The following UGT1A8 variants were observed in gnomAD, a reference collection of about 807,000 sequenced individuals.
The protein encoded by UGT1A8 is UDP glucuronosyltransferase family 1 member A8.
UGT1A8 carries 39 observed loss-of-function variants against 45.3 expected under a neutral mutation model. The ratio of observed to expected loss-of-function variants is 0.86; its 90% CI spans 0.67 to 1.12. UGT1A8 has a LOEUF of 1.12. Ranked by LOEUF, UGT1A8 falls within the 50% of genes most tolerant of loss-of-function variation. The pLI is 0.00. For missense variants in UGT1A8, 719 were observed against 664.9 expected (o/e 1.08, Z -0.90); for synonymous variants, 275 against 249.2 (o/e 1.10, Z -0.97).
intron 1 of UGT1A8, among the ~76,000 whole-genome samples, chr2:233,651,917 A>G (rs960858188): frequency 3.3e-5 from 5 of 152,202 alleles, no homozygotes; most frequent in Non-Finnish European, 7.3e-5. Context: ...GGGGAATTAC[A>G]TCCAATGCTG....
At chr2:233,696,698 A>G (rs1376211122) in intron 1 of UGT1A8, among the ~76,000 whole-genome samples, 4 of 152,138 alleles carry the variant, frequency 2.6e-5, no homozygotes, top group Non-Finnish European at 5.9e-5. Context: ...TCTTTGTCTT[A>G]TTCCAGATTT....
chr2:233,678,051 G>C (rs540065038), intron 1 of UGT1A8, among the ~76,000 whole-genome samples: 12 of 152,258 alleles, frequency 7.9e-5, no homozygotes, highest in African/African-American at 2.2e-4. Context: ...ATTACCCTAA[G>C]GGAATATATA....
chr2:233,690,565 A>G, intron 1 of UGT1A8: 1 of 1,289,360 alleles, frequency 7.8e-7, no homozygotes, highest in Non-Finnish European at 1.0e-6. Context: ...AGCCTGAGTC[A>G]TTCAGCCTGC....
chr2:233,730,673 A>G (rs1217219739), intron 1 of UGT1A8, among the ~76,000 whole-genome samples: 2 of 152,106 alleles, frequency 1.3e-5, no homozygotes, highest in South Asian at 2.1e-4. Flanking sequence ...AGGCAAAGTA[A>G]TGGTTGCATC....
chr2:233,721,816 C>T, intron 1 of UGT1A8: 1 of 516,128 alleles, frequency 1.9e-6, no homozygotes, highest in Non-Finnish European at 3.9e-6. Flanking sequence ...AAATCCAGCA[C>T]CCTATTTGGG....
At chr2:233,737,730 T>C (rs558595206) in intron 1 of UGT1A8, among the ~76,000 whole-genome samples, 10 of 152,254 alleles carry the variant, frequency 6.6e-5, no homozygotes, top group East Asian at 3.9e-4. Context: ...CCTTTTTTTT[T>C]CCTTTTCTCT....
At chr2:233,719,126 A>G (rs771877893) in intron 1 of UGT1A8, 1 of 1,614,270 alleles carries the variant, frequency 6.2e-7, no homozygotes. Context: ...GGTTCTTTGA[A>G]ACAGAACATC....
chr2:233,682,878 C>T, intron 1 of UGT1A8: 2 of 1,512,868 alleles, frequency 1.3e-6, no homozygotes, highest in Non-Finnish European at 1.8e-6. Context: ...TTATCATTTA[C>T]ATTTGTCCCA....
In UGT1A8 at chr2:233,769,538, C is replaced by A; in HGVS notation, c.1295+1099C>A. 6.2e-7 allele frequency: 1 copy of A among 1,612,838 alleles called. No homozygotes were observed. Among genetic ancestry groups the A allele is most frequent in the Non-Finnish European group, 8.5e-7 (1 of 1,179,878 alleles). ...CATGGTTACCTCCTTTAGAAAGAAGCAGCAGTCAGGAAGACAGATGTGAAG... is the reference window on the plus strand; with the variant it reads ...CATGGTTACCTCCTTTAGAAAGAAGAAGCAGTCAGGAAGACAGATGTGAAG... On this transcript the variant is annotated intron_variant, in intron 4 of 4. Coordinates refer to ENST00000373450, the MANE Select transcript of UGT1A8 (RefSeq NM_019076.5). The surrounding 1 kb of genome is among the most constrained non-coding windows in gnomAD (Gnocchi z 4.4).
chr2:233,636,669 C>T (rs754305708), intron 1 of UGT1A8: 43 of 1,613,962 alleles, frequency 2.7e-5, no homozygotes, highest in Admixed American at 5.0e-5. Context: ...AGAAACTTAT[C>T]CTCAGGGGGC....
intron 1 of UGT1A8, chr2:233,648,836 A>G (rs1171310908): frequency 8.9e-7 from 1 of 1,122,398 alleles, no homozygotes; most frequent in Non-Finnish European, 1.3e-6. Context: ...TTTTGCCCAT[A>G]TTTTTTCAAA....
Position 233,772,250 on chromosome 2 carries a change from CT to C in UGT1A8, c.1296-9del, listed in dbSNP as rs1325171114. 1.9e-6 allele frequency: 3 copies of C among 1,614,110 alleles called. No homozygotes were observed. Reference sequence around the variant, plus strand: ...GGTGTTCCAGGCATAACGAAACTGTCTTTGTGTTTAGTTACAAGGAGAACAT... The same window carrying C: ...GGTGTTCCAGGCATAACGAAACTGTCTTGTGTTTAGTTACAAGGAGAACAT... On this transcript the variant is annotated splice_polypyrimidine_tract_variant and intron_variant, in intron 4 of 4. Coordinates refer to ENST00000373450, the MANE Select transcript of UGT1A8 (RefSeq NM_019076.5).
intron 1 of UGT1A8, among the ~76,000 whole-genome samples, chr2:233,684,405 AT>A (rs1009932086): frequency 6.6e-6 from 1 of 152,160 alleles, no homozygotes; most frequent in Non-Finnish European, 1.5e-5. Flanking sequence ...TCACTCAGGT[AT>A]TGCCTGCAGC....
intron 1 of UGT1A8, chr2:233,747,762 G>A: frequency 1.2e-6 from 2 of 1,613,366 alleles, no homozygotes; most frequent in South Asian, 2.2e-5. Context: ...AGACTTTAAG[G>A]GCACACAGTG....
At chr2:233,770,880 T>C (rs1452182002) in intron 4 of UGT1A8, 6 of 152,248 alleles carry the variant, frequency 3.9e-5, no homozygotes, top group African/African-American at 1.2e-4. Context: ...AGAGGTTTCA[T>C]TGGCTCGTGT....
chr2:233,618,341 A>C lies in UGT1A8; in HGVS notation c.634A>C (p.Met212Leu). 2 of 1,613,948 alleles carry C rather than the reference A, an allele frequency of 1.2e-6. No homozygotes were observed. The highest frequency in any genetic ancestry group is 1.1e-5 in the South Asian group (1 of 91,064). ...CAAGGAGAGAGTACGGAACCACATC[A>C]TGCACTTGGAGGAACATTTATTTTG... ...TFKERVRNHI[M>L]HLEEHLFCQY... Residue 212 changes from methionine to leucine, a missense_variant, in exon 1 of 5, where the codon ATG (methionine) becomes CTG (leucine). Coordinates refer to ENST00000373450, the MANE Select transcript of UGT1A8 (RefSeq NM_019076.5).
chr2:233,739,300 G>T (rs1406642019), intron 1 of UGT1A8, among the ~76,000 whole-genome samples: 2 of 152,210 alleles, frequency 1.3e-5, no homozygotes, highest in African/African-American at 2.4e-5. Flanking sequence ...CTGGGGCACT[G>T]CCTAGTGGAG....
chr2:233,743,701 C>T (rs13009407), intron 1 of UGT1A8: 1 of 1,367,252 alleles, frequency 7.3e-7, no homozygotes, highest in Admixed American at 1.9e-5. Context: ...CGCCCTCCGC[C>T]CCCGCCTCGC....
At chr2:233,660,540 C>T (rs2073941912) in intron 1 of UGT1A8, among the ~76,000 whole-genome samples, 1 of 152,144 alleles carries the variant, frequency 6.6e-6, no homozygotes, top group African/African-American at 2.4e-5. Flanking sequence ...TTGTACTGGC[C>T]TTCTTGTTCT....
Sources: gnomAD v4.1 joint callset for allele counts (sites outside exome capture counted in the v4.1 genomes callset) on GRCh38, gnomAD v4.1.1 for gene constraint, Gnocchi (gnomAD v3.1) non-coding constraint, MANE v1.5 for transcripts, NCBI Gene and HGNC (gene_info 2026-07-23, HGNC 2026-07-21) for gene names.